The following TAS2R1 variants were observed in gnomAD, a reference collection of about 807,000 sequenced individuals.
TAS2R1 encodes taste receptor type 2 member 1.
For synonymous variants in TAS2R1, 141 were observed against 134.2 expected (o/e 1.05, Z -0.35); for missense variants, 370 against 353.4 (o/e 1.05, Z -0.38).
At chr5:9,815,065 T>C in the TAS2R1 span, among the ~76,000 whole-genome samples, 11 of 152,224 alleles carry the variant, frequency 7.2e-5, no homozygotes, top group Non-Finnish European at 1.5e-4. Flanking sequence ...GTTTAATTTA[T>C]TTTCAAATGG....
chr5:9,628,365 T>G lies in TAS2R1; in HGVS notation c.*768A>C, dbSNP rs1483772513. Among the ~76,000 whole-genome samples, 1 of 152,054 alleles carries G rather than the reference T, an allele frequency of 6.6e-6. No homozygotes were observed. Among genetic ancestry groups the G allele is most frequent in the Non-Finnish European group, 1.5e-5 (1 of 68,004 alleles). ...AGGCACACAAATACAAAATAAAACA[T>G]CTTTGCAAGTTATTGTCTGTTCAGA... On this transcript the variant is annotated 3_prime_UTR_variant, in exon 1 of 1. Transcript: ENST00000382492.
the TAS2R1 span, among the ~76,000 whole-genome samples, chr5:9,856,731 C>T: frequency 6.6e-6 from 1 of 152,138 alleles, no homozygotes; most frequent in Non-Finnish European, 1.5e-5. Flanking sequence ...AATAACCAAG[C>T]ACACAAGGAA....
At chr5:9,713,144 T>A (rs1376096162), upstream of TAS2R1, 1 of 152,116 alleles carries the variant, frequency 6.6e-6, no homozygotes, top group Non-Finnish European at 1.5e-5. Context: ...TGCAGATCCC[T>A]CTCAACCCAC....
rs938493708 is a variant in TAS2R1 at position 9,676,587 on chromosome 5, A to G, written c.-241-17006T>C. On this transcript the variant is annotated intron_variant, in intron 1 of 2. Coordinates refer to the TAS2R1 transcript ENST00000506620. Reference sequence around the variant, plus strand: ...CAAAAATATAGACATAGACCTTATAACTTTTACTAAAACTCATGCAAAATA... The same window carrying G: ...CAAAAATATAGACATAGACCTTATAGCTTTTACTAAAACTCATGCAAAATA... 2.0e-5 allele frequency among the ~76,000 whole-genome samples: 3 copies of G among 152,312 alleles called. No individual in the cohort carries two copies. In the South Asian group the frequency reaches 6.2e-4, roughly 32 times the overall value.
At chr5:9,667,250 C>T (rs370757878) in intron 1 of TAS2R1, among the ~76,000 whole-genome samples, 1 of 152,178 alleles carries the variant, frequency 6.6e-6, no homozygotes, top group Admixed American at 6.5e-5. Context: ...CAGGAAAACA[C>T]CCTGATGGCA....
At chr5:9,856,500 T>C in the TAS2R1 span, among the ~76,000 whole-genome samples, 1 of 152,156 alleles carries the variant, frequency 6.6e-6, no homozygotes, top group Non-Finnish European at 1.5e-5. Flanking sequence ...GAGTAGGTAT[T>C]AAAGGAAAAG....
intron 1 of TAS2R1, among the ~76,000 whole-genome samples, chr5:9,698,671 CA>C (rs1741413301): frequency 6.6e-6 from 1 of 152,080 alleles, no homozygotes; most frequent in South Asian, 2.1e-4. Flanking sequence ...TATTTAACAA[CA>C]ACAAACAAAT....
At chr5:9,861,929 T>C in the TAS2R1 span, among the ~76,000 whole-genome samples, 17 of 152,202 alleles carry the variant, frequency 1.1e-4, no homozygotes, top group Non-Finnish European at 2.2e-4. Flanking sequence ...CACTTAAGCA[T>C]AATGGAACGA....
the TAS2R1 span, chr5:9,760,946 G>C: frequency 6.6e-6 from 1 of 152,134 alleles, no homozygotes; most frequent in African/African-American, 2.4e-5. Context: ...CGAGCTCGTC[G>C]ATCTCCGAAG....
upstream of TAS2R1, among the ~76,000 whole-genome samples, chr5:9,630,581 T>C (rs573912379): frequency 6.6e-6 from 1 of 152,186 alleles, no homozygotes; most frequent in Non-Finnish European, 1.5e-5. Context: ...ATCTGTAAAA[T>C]AGTTATAGAA....
the TAS2R1 span, among the ~76,000 whole-genome samples, chr5:9,738,812 G>A: frequency 1.3e-5 from 2 of 151,994 alleles, no homozygotes; most frequent in Non-Finnish European, 2.9e-5. Flanking sequence ...CAGTGCAGAT[G>A]AGTCTCAAGG....
the TAS2R1 span, among the ~76,000 whole-genome samples, chr5:9,775,279 G>A: frequency 6.6e-6 from 1 of 152,220 alleles, no homozygotes; most frequent in Non-Finnish European, 1.5e-5. Flanking sequence ...GGGCTCTTTA[G>A]TCAGCTTGTG....
chr5:9,897,463 C>CA, the TAS2R1 span, among the ~76,000 whole-genome samples: 1 of 151,996 alleles, frequency 6.6e-6, no homozygotes, highest in Non-Finnish European at 1.5e-5. Context: ...AACAAAAAAA[C>CA]AAAAAACAAA....
the TAS2R1 span, among the ~76,000 whole-genome samples, chr5:9,819,857 A>G: frequency 6.6e-6 from 1 of 152,126 alleles, no homozygotes; most frequent in African/African-American, 2.4e-5. Context: ...TAACCCAGGC[A>G]TACTGTAGGA....
the TAS2R1 span, among the ~76,000 whole-genome samples, chr5:9,795,379 C>G: frequency 6.6e-6 from 1 of 152,122 alleles, no homozygotes; most frequent in Non-Finnish European, 1.5e-5. Flanking sequence ...GCTAAAAGCT[C>G]TTGAACACAA....
chr5:9,703,990 C>T (rs1561383912), intron 1 of TAS2R1, among the ~76,000 whole-genome samples: 1 of 152,164 alleles, frequency 6.6e-6, no homozygotes, highest in Non-Finnish European at 1.5e-5. Flanking sequence ...AGTCATAAAG[C>T]TGATTTGTAG....
upstream of TAS2R1, chr5:9,713,176 A>G (rs1411261918): frequency 6.6e-6 from 1 of 152,068 alleles, no homozygotes; most frequent in African/African-American, 2.4e-5. Context: ...GAACATGACA[A>G]CTTCCTTTAT....
the TAS2R1 span, among the ~76,000 whole-genome samples, chr5:9,803,693 G>A: frequency 1.3e-5 from 2 of 152,188 alleles, no homozygotes; most frequent in African/African-American, 4.8e-5. Flanking sequence ...AACAAATGCT[G>A]AGAAAATTTG....
chr5:9,762,511 G>C, the TAS2R1 span, among the ~76,000 whole-genome samples: 30 of 152,318 alleles, frequency 2.0e-4, no homozygotes, highest in East Asian at 1.5e-3. Context: ...TGCCACGTGG[G>C]TTGCTACATG....
Sources: gnomAD v4.1 joint callset for allele counts (sites outside exome capture counted in the v4.1 genomes callset) on GRCh38, gnomAD v4.1.1 for gene constraint, MANE v1.5 for transcripts, NCBI Gene and HGNC (gene_info 2026-07-23, HGNC 2026-07-21) for gene names.